The following ARHGAP15 variants were observed in gnomAD, a reference collection of about 807,000 sequenced individuals.
ARHGAP15 encodes Rho GTPase activating protein 15.
In ARHGAP15, 51 loss-of-function variants were observed where a neutral mutation model predicts 63.7. That is an observed-to-expected ratio of 0.80 (90% CI 0.64 to 1.01). The LOEUF is 1.01. Ranked by LOEUF, ARHGAP15 falls within the 50% of genes least tolerant of loss-of-function variation. The pLI is 0.00. For missense variants in ARHGAP15, 560 were observed against 564.6 expected (o/e 0.99, Z 0.08); for synonymous variants, 191 against 193.8 (o/e 0.99, Z 0.12).
chr2:143,591,706 G>A (rs1330103753), intron 11 of ARHGAP15, among the ~76,000 whole-genome samples: 2 of 148,178 alleles, frequency 1.3e-5, no homozygotes, highest in Admixed American at 6.9e-5. Context: ...CGCAACCTCC[G>A]CCTCTCAGGT....
chr2:143,388,822 G>A (rs950695861), intron 6 of ARHGAP15, among the ~76,000 whole-genome samples: 3 of 151,964 alleles, frequency 2.0e-5, no homozygotes, highest in African/African-American at 7.3e-5. Context: ...TCTTCACAAA[G>A]GCCAGTGCCA....
chr2:143,502,050 T>C (rs1187031539), intron 9 of ARHGAP15, among the ~76,000 whole-genome samples: 1 of 152,114 alleles, frequency 6.6e-6, no homozygotes, highest in Non-Finnish European at 1.5e-5. Context: ...AAGTAAACAG[T>C]CCATTGGAAA....
At chr2:143,685,582 A>G (rs1229954374) in intron 12 of ARHGAP15, among the ~76,000 whole-genome samples, 1 of 152,200 alleles carries the variant, frequency 6.6e-6, no homozygotes, top group African/African-American at 2.4e-5. Flanking sequence ...CATAGTATAC[A>G]TACAAACATC....
At chr2:143,541,147 C>T (rs1006024495) in intron 10 of ARHGAP15, among the ~76,000 whole-genome samples, 6 of 152,156 alleles carry the variant, frequency 3.9e-5, no homozygotes, top group Non-Finnish European at 7.4e-5. Context: ...TCGCTGATAC[C>T]CTTTCTGCCA....
At chr2:143,427,299 C>T (rs554699981) in intron 6 of ARHGAP15, among the ~76,000 whole-genome samples, 3 of 152,248 alleles carry the variant, frequency 2.0e-5, no homozygotes, top group South Asian at 4.1e-4. Flanking sequence ...ATAAAGTTAG[C>T]TAATACTTCT....
At chr2:143,172,471 A>G (rs1252784008) in intron 2 of ARHGAP15, among the ~76,000 whole-genome samples, 3 of 152,096 alleles carry the variant, frequency 2.0e-5, no homozygotes, top group Non-Finnish European at 4.4e-5. Context: ...AAATGGGGAC[A>G]CTATTAAGGA....
chr2:143,691,929 A>C (rs758959676), intron 12 of ARHGAP15, among the ~76,000 whole-genome samples: 22 of 152,212 alleles, frequency 1.4e-4, no homozygotes, highest in Non-Finnish European at 2.6e-4. Context: ...TTTGAATTTT[A>C]AGCTATTATT....
intron 6 of ARHGAP15, among the ~76,000 whole-genome samples, chr2:143,343,184 G>A (rs930363346): frequency 4.6e-5 from 7 of 151,998 alleles, no homozygotes; most frequent in Non-Finnish European, 8.8e-5. Context: ...AGTTTTTACA[G>A]GAAAATCATA....
chr2:143,230,195 T>C (rs1347667985), intron 5 of ARHGAP15, among the ~76,000 whole-genome samples: 1 of 152,160 alleles, frequency 6.6e-6, no homozygotes, highest in East Asian at 1.9e-4. Context: ...GAAAAGATGA[T>C]CTTCCCCTGC....
intron 12 of ARHGAP15, chr2:143,656,125 C>G (rs1003472401): frequency 3.3e-5 from 5 of 152,090 alleles, no homozygotes; most frequent in African/African-American, 1.2e-4. Flanking sequence ...TGATGCTTAC[C>G]TTGCATACAA....
At chr2:143,244,037 A>G (rs1693958389) in intron 5 of ARHGAP15, among the ~76,000 whole-genome samples, 1 of 152,204 alleles carries the variant, frequency 6.6e-6, no homozygotes, top group Non-Finnish European at 1.5e-5. Flanking sequence ...TAAAATGGAA[A>G]TATTATTCCA....
intron 8 of ARHGAP15, among the ~76,000 whole-genome samples, chr2:143,443,957 A>G (rs894048647): frequency 1.3e-5 from 2 of 152,190 alleles, no homozygotes; most frequent in Non-Finnish European, 2.9e-5. Context: ...GAGCTGAGCA[A>G]AGAATGTCCT....
At chr2:143,504,701 C>G (rs1045738760) in intron 9 of ARHGAP15, among the ~76,000 whole-genome samples, 1 of 152,102 alleles carries the variant, frequency 6.6e-6, no homozygotes, top group Non-Finnish European at 1.5e-5. Context: ...GTCTTTTGCC[C>G]CATTGTGTTC....
Position 143,291,640 on chromosome 2 carries a change from C to T in ARHGAP15, c.474+41040C>T, listed in dbSNP as rs116659673. ...GATGCCAGGCAATCCAGACAGGATC[C>T]CATTATCTTCCTCTCTTGCCACTTT... On this transcript the variant is annotated intron_variant, in intron 6 of 13. Coordinates refer to ENST00000295095, the MANE Select transcript of ARHGAP15 (RefSeq NM_018460.4). 4.4e-3 allele frequency among the ~76,000 whole-genome samples: 662 copies of T among 152,146 alleles called. 3 individuals are homozygous for T. Among genetic ancestry groups the T allele is most frequent in the African/African-American group, 0.015 (643 of 41,522 alleles).
intron 6 of ARHGAP15, among the ~76,000 whole-genome samples, chr2:143,315,359 T>TA (rs1683651988): frequency 6.6e-6 from 1 of 152,228 alleles, no homozygotes; most frequent in South Asian, 2.1e-4. Context: ...TTAATTTTCT[T>TA]AATTTATCCT....
At chr2:143,523,481 A>C (rs928816429) in intron 10 of ARHGAP15, among the ~76,000 whole-genome samples, 5 of 152,152 alleles carry the variant, frequency 3.3e-5, no homozygotes, top group Admixed American at 3.3e-4. Flanking sequence ...TATGTGATAT[A>C]GGGAGTCCTT....
intron 12 of ARHGAP15, among the ~76,000 whole-genome samples, chr2:143,703,172 G>T (rs994902874): frequency 2.6e-5 from 4 of 152,150 alleles, no homozygotes; most frequent in Non-Finnish European, 2.9e-5. Context: ...AGGAGAAAAG[G>T]TACAAAGGCT....
intron 11 of ARHGAP15, among the ~76,000 whole-genome samples, chr2:143,607,159 G>A (rs575294966): frequency 1.3e-5 from 2 of 152,178 alleles, no homozygotes; most frequent in East Asian, 1.9e-4. Context: ...TTTCAGTCAC[G>A]CTGCTCTAAC....
chr2:143,673,784 A>ATGTATATATATATATGTAT (rs71404481), intron 12 of ARHGAP15, among the ~76,000 whole-genome samples: 7 of 114,202 alleles, frequency 6.1e-5, no homozygotes, highest in African/African-American at 2.0e-4. Context: ...ATATATATAT[A>ATGTATATATATATATGTAT]AACAACTCCT....
Sources: gnomAD v4.1 joint callset for allele counts (sites outside exome capture counted in the v4.1 genomes callset) on GRCh38, gnomAD v4.1.1 for gene constraint, MANE v1.5 for transcripts, NCBI Gene and HGNC (gene_info 2026-07-23, HGNC 2026-07-21) for gene names.